SLC1A3: variants seen among roughly 807,000 people sequenced by gnomAD.
The protein encoded by SLC1A3 is excitatory amino acid transporter 1.
In SLC1A3, 21 loss-of-function variants were observed where a neutral mutation model predicts 48.1. The observed-to-expected ratio is 0.44, with a 90% confidence interval of 0.31 to 0.63. The LOEUF (loss-of-function observed/expected upper bound fraction) is 0.63. Ranked by LOEUF, SLC1A3 falls within the 20% of genes least tolerant of loss-of-function variation. The pLI, the probability that SLC1A3 is intolerant of heterozygous loss-of-function variation, is 0.08. For missense variants in SLC1A3, 546 were observed against 689.0 expected (o/e 0.79, Z 2.32); for synonymous variants, 239 against 251.4 (o/e 0.95, Z 0.47).
At position 36,687,894 on chromosome 5, in the gene SLC1A3, T is replaced by C. The variant is rs916779272; in HGVS notation, c.*1625T>C. 1 of 152,590 alleles carries C rather than the reference T, an allele frequency of 6.6e-6. No individual in the cohort carries two copies. The highest frequency in any genetic ancestry group is 2.4e-5 in the African/African-American group (1 of 41,440). 9.5% of individuals were successfully genotyped at this position (152,590 alleles called of 1,614,324 possible). On this transcript the variant is annotated 3_prime_UTR_variant, in exon 10 of 10. Coordinates refer to ENST00000265113, the MANE Select transcript of SLC1A3 (RefSeq NM_004172.5). ...AGCTGTCAGGCAGTAGCAGCTGTGT[T>C]TGAGTTTCTGGCTGAAAATGGTGAA...
At chr5:36,674,348 T>TAGG (rs1742116888) in intron 5 of SLC1A3, among the ~76,000 whole-genome samples, 1 of 152,148 alleles carries the variant, frequency 6.6e-6, no homozygotes, top group Admixed American at 6.5e-5. Context: ...TTAAGAAGGC[T>TAGG]AATCACAAGA....
chr5:36,685,288 T>A (rs1213327139), intron 9 of SLC1A3, among the ~76,000 whole-genome samples: 1 of 152,196 alleles, frequency 6.6e-6, no homozygotes, highest in Non-Finnish European at 1.5e-5. Context: ...TTTATTTACT[T>A]GTTTTGAGAT....
At chr5:36,612,365 G>C (rs1252740910) in intron 2 of SLC1A3, among the ~76,000 whole-genome samples, 1 of 152,128 alleles carries the variant, frequency 6.6e-6, no homozygotes, top group Non-Finnish European at 1.5e-5. Context: ...AGGATCACTT[G>C]AGCCAGGAGT....
At chr5:36,659,370 C>T (rs768869299) in intron 3 of SLC1A3, among the ~76,000 whole-genome samples, 10 of 152,298 alleles carry the variant, frequency 6.6e-5, no homozygotes, top group Non-Finnish European at 1.0e-4. Flanking sequence ...TGACTGAGTT[C>T]TTATGGTTTA....
At chr5:36,609,832 T>G (rs1739121420) in intron 2 of SLC1A3, among the ~76,000 whole-genome samples, 1 of 152,194 alleles carries the variant, frequency 6.6e-6, no homozygotes, top group South Asian at 2.1e-4. Context: ...GGTGAAATAT[T>G]TCAGTCCCAC....
chr5:36,620,988 C>A (rs1055794858), intron 2 of SLC1A3, among the ~76,000 whole-genome samples: 2 of 152,010 alleles, frequency 1.3e-5, no homozygotes, highest in Non-Finnish European at 2.9e-5. Context: ...TCACTACAAC[C>A]TCCACCTCCC....
intron 3 of SLC1A3, among the ~76,000 whole-genome samples, chr5:36,653,869 A>G (rs974065195): frequency 2.0e-5 from 3 of 152,214 alleles, no homozygotes; most frequent in Non-Finnish European, 4.4e-5. Context: ...TTTTTGAGAG[A>G]GCCTCGCTCT....
rs762539672 is a variant in SLC1A3 at position 36,671,272 on chromosome 5, G to C, written c.524+39G>C. ...AGCCCGTCCTTTGGGGTGTATTTTC[G>C]CCATCCAGACCCTCTTACTGGTTAC... is the stretch of plus-strand genomic sequence containing the variant. On this transcript the variant is annotated intron_variant, in intron 4 of 9. Transcript: ENST00000265113. 2.7e-6 allele frequency: 4 copies of C among 1,458,468 alleles called. No homozygotes were observed. In the Admixed American group the frequency reaches 5.2e-5, roughly 19 times the overall value. 90.3% of individuals were successfully genotyped at this position (1,458,468 alleles called of 1,614,324 possible).
intron 1 of SLC1A3, among the ~76,000 whole-genome samples, chr5:36,596,806 G>C (rs1161612393): frequency 6.6e-6 from 1 of 152,196 alleles, no homozygotes; most frequent in Non-Finnish European, 1.5e-5. Context: ...TCTCTGCCTT[G>C]TGAATGTTAG....
chr5:36,634,833 A>G (rs1740274295), intron 3 of SLC1A3, among the ~76,000 whole-genome samples: 1 of 152,182 alleles, frequency 6.6e-6, no homozygotes, highest in Non-Finnish European at 1.5e-5. Context: ...ATCACCAGCA[A>G]AGGGCTTTCT....
Position 36,629,478 on chromosome 5 carries a change from A to G in SLC1A3, c.210A>G (p.Pro70=), listed in dbSNP as rs372273935. 37 of 1,608,602 alleles carry G rather than the reference A, an allele frequency of 2.3e-5. 1 individual carries two copies. In the African/African-American group the frequency reaches 4.0e-4, roughly 17 times the overall value. Residue 70 remains proline, a synonymous_variant, in exon 3 of 10, where the codon CCA becomes CCG. Transcript: ENST00000265113. ...VGTILGFTLR[P]YRMSYREVKY... ...CAATCCTTGGATTTACCCTCCGACC[A>G]TACAGAATGAGCTACCGGGAAGTCA...
chr5:36,615,580 A>G (rs1739396056), intron 2 of SLC1A3, among the ~76,000 whole-genome samples: 1 of 152,194 alleles, frequency 6.6e-6, no homozygotes, highest in African/African-American at 2.4e-5. Context: ...CAGTGAGGAC[A>G]CACTTTGCAG....
At chr5:36,598,511 T>G (rs140180436) in intron 1 of SLC1A3, among the ~76,000 whole-genome samples, 1 of 152,216 alleles carries the variant, frequency 6.6e-6, no homozygotes, top group Non-Finnish European at 1.5e-5. Context: ...CAATTCTATC[T>G]TTTTCCAAAG....
intron 3 of SLC1A3, chr5:36,667,814 G>A (rs748920311): frequency 6.6e-6 from 1 of 152,082 alleles, no homozygotes; most frequent in Middle Eastern, 3.2e-3. Flanking sequence ...ATTTCAGGGG[G>A]GTCTTGATTC....
At chr5:36,608,154 C>T in intron 1 of SLC1A3, 175 bp from the exon 2 acceptor site, 2 of 417,220 alleles carry the variant, frequency 4.8e-6, no homozygotes, top group East Asian at 7.7e-5. Flanking sequence ...GCACATTTCT[C>T]ACACGTGGTC....
In SLC1A3 at chr5:36,613,995, C is replaced by T. The variant is rs543652854; in HGVS notation, c.181+5391C>T. Among the ~76,000 whole-genome samples the T allele has an allele frequency of 2.0e-5, 3 of 152,316 alleles. No homozygotes were observed. The South Asian group carries it at 6.2e-4, about 32-fold the overall frequency. On this transcript the variant is annotated intron_variant, in intron 2 of 9. Transcript: ENST00000265113. Reference sequence around the variant, plus strand: ...TCTCCAAAAGCACTCCAGGCGCTGCCTCCTACTGTGACGGTGTAGCCCAGT... The same window carrying T: ...TCTCCAAAAGCACTCCAGGCGCTGCTTCCTACTGTGACGGTGTAGCCCAGT...
intron 3 of SLC1A3, among the ~76,000 whole-genome samples, chr5:36,645,900 T>C (rs1236536845): frequency 2.0e-5 from 3 of 152,254 alleles, no homozygotes. Context: ...TTCTACTTCA[T>C]ATACCAGTTT....
chr5:36,680,147 T>C (rs1208873048), intron 7 of SLC1A3, among the ~76,000 whole-genome samples: 1 of 152,208 alleles, frequency 6.6e-6, no homozygotes. Context: ...TGGCACAGGC[T>C]GTCGTGATGA....
intron 2 of SLC1A3, among the ~76,000 whole-genome samples, chr5:36,625,621 C>T (rs1441466547): frequency 6.6e-6 from 1 of 151,948 alleles, no homozygotes; most frequent in East Asian, 1.9e-4. Context: ...CCTGGTAAAC[C>T]CAGAAATAGT....
Sources: gnomAD v4.1 joint callset for allele counts (sites outside exome capture counted in the v4.1 genomes callset) on GRCh38, gnomAD v4.1.1 for gene constraint, MANE v1.5 for transcripts, NCBI Gene and HGNC (gene_info 2026-07-23, HGNC 2026-07-21) for gene names.